ITGAL: variants seen among roughly 807,000 people sequenced by gnomAD.
ITGAL encodes the protein integrin subunit alpha L.
A neutral mutation model predicts 138.4 loss-of-function variants in ITGAL; 68 were observed. The observed-to-expected ratio is 0.49, with a 90% CI of 0.40 to 0.60. The LOEUF (loss-of-function observed/expected upper bound fraction) is 0.60, where lower values mean the gene tolerates loss of function less well. Among genes scored for constraint, ITGAL ranks in the 20% least tolerant of loss-of-function variants. The pLI is 0.00. For synonymous variants in ITGAL, 561 were observed against 584.3 expected (o/e 0.96, Z 0.57); for missense variants, 1,256 against 1,478.6 (o/e 0.85, Z 2.47).
At chr16:30,499,518 A>G (rs1343185347) in intron 17 of ITGAL, 29 bp downstream of exon 17, 3 of 1,608,554 alleles carry the variant, frequency 1.9e-6, no homozygotes, top group East Asian at 2.2e-5. Context: ...ATGCTCTGGG[A>G]TGAGCTACCT....
At chr16:30,502,867 G>A (rs554311087) in intron 17 of ITGAL, among the ~76,000 whole-genome samples, 369 of 150,090 alleles carry the variant, frequency 2.5e-3, no homozygotes, top group Non-Finnish European at 4.8e-3. Context: ...AGGCTAGAAT[G>A]CATTGTTATG....
intron 17 of ITGAL, 45 bp downstream of exon 17, chr16:30,499,534 G>A (rs1487778937): frequency 6.3e-7 from 1 of 1,596,492 alleles, no homozygotes; most frequent in Non-Finnish European, 8.6e-7. Context: ...TACCTGCAGG[G>A]GCAGGCTCAG....
chr16:30,520,067 A>G, intron 30 of ITGAL, 100 bp downstream of exon 30: 5 of 866,970 alleles, frequency 5.8e-6, no homozygotes, highest in Non-Finnish European at 9.3e-6. Flanking sequence ...AGAGGGCATA[A>G]GAGCCAGGGG....
intron 7 of ITGAL, 61 bp from the exon 8 acceptor site, chr16:30,483,766 G>A: frequency 1.3e-6 from 2 of 1,539,018 alleles, no homozygotes; most frequent in Non-Finnish European, 1.8e-6. Flanking sequence ...GAGCAGGTGG[G>A]GAAAGAGACC....
chr16:30,504,830 A>G (rs981888291), intron 18 of ITGAL: 1 of 155,352 alleles, frequency 6.4e-6, no homozygotes, highest in African/African-American at 2.4e-5. Flanking sequence ...CAGTGTGCCA[A>G]CATGGCGAAA....
chr16:30,506,513 C>T (rs568832647), intron 20 of ITGAL, among the ~76,000 whole-genome samples: 36 of 124,128 alleles, frequency 2.9e-4, no homozygotes, highest in African/African-American at 1.1e-3. Context: ...GAGCCAAGAT[C>T]GCGCCACTGC....
chr16:30,485,228 C>T (rs778303150), intron 9 of ITGAL, among the ~76,000 whole-genome samples: 7 of 77,594 alleles, frequency 9.0e-5, no homozygotes, highest in Non-Finnish European at 1.5e-4. Flanking sequence ...TCTCTTCTCT[C>T]TTTTCTTTTT....
At position 30,519,953 on chromosome 16, in the gene ITGAL, A is replaced by G. The variant is rs913510126; in HGVS notation, c.3325A>G (p.Ile1109Val). ...GCTGCTGCTGCTGCTGCTCATTTTC[A>G]TAGTGCTGTACAAGGTGGGTGCCTC... ...GGLLLLLLIF[I>V]VLYKVGFFKR... is the part of the protein sequence containing the mutation. The change falls in exon 30 of 31, where the codon ATA becomes GTA. Residue 1109 changes from isoleucine to valine, a missense_variant. Coordinates refer to ENST00000356798, the MANE Select transcript of ITGAL (RefSeq NM_002209.3). 11 of 1,611,924 alleles carry G rather than the reference A, an allele frequency of 6.8e-6. No homozygotes were observed. Among genetic ancestry groups the G allele is most frequent in the Non-Finnish European group, 8.5e-6 (10 of 1,179,738 alleles).
chr16:30,494,915 A>G lies in ITGAL; in HGVS notation c.1503+65A>G. Reference sequence around the variant, plus strand: ...CAGCAGAGATTCGCAGCTCCCAGTTATTCTGAAGGCTTTCTCTGTCTGGTC... The same window carrying G: ...CAGCAGAGATTCGCAGCTCCCAGTTGTTCTGAAGGCTTTCTCTGTCTGGTC... On this transcript the variant is annotated intron_variant, in intron 13 of 30. Coordinates refer to ENST00000356798, the MANE Select transcript of ITGAL (RefSeq NM_002209.3). This position sits in a 1 kb window ranked among gnomAD's most constrained non-coding sequence, Gnocchi z 4.2. 4 of 1,503,152 alleles carry G rather than the reference A, an allele frequency of 2.7e-6. No individual in the cohort carries two copies. In the South Asian group the frequency reaches 5.2e-5, roughly 20 times the overall value. The allele number at this position is 1,503,152 out of a possible 1,614,324, so 93.1% of individuals were successfully genotyped here. A position where few individuals can be genotyped will look rare whatever the true frequency, so the allele number is the denominator to read the frequency against.
chr16:30,490,612 C>T (rs183992989), intron 11 of ITGAL, among the ~76,000 whole-genome samples: 124 of 152,250 alleles, frequency 8.1e-4, no homozygotes, highest in South Asian at 5.4e-3. Context: ...AAACTTCTTT[C>T]AATGACAGTG....
intron 22 of ITGAL, 115 bp from the exon 23 acceptor site, chr16:30,510,766 G>A: frequency 1.2e-6 from 1 of 838,152 alleles, no homozygotes; most frequent in Non-Finnish European, 2.0e-6. Context: ...CTCAGTGCTT[G>A]GGGTGCAGTG....
intron 25 of ITGAL, among the ~76,000 whole-genome samples, chr16:30,515,700 G>C (rs954412729): frequency 2.0e-5 from 3 of 151,986 alleles, no homozygotes; most frequent in Non-Finnish European, 2.9e-5. Flanking sequence ...GGTCAGGCGC[G>C]GTGGCTCACA....
At chr16:30,497,996 C>T (rs1240211679) in intron 15 of ITGAL, among the ~76,000 whole-genome samples, 1 of 151,492 alleles carries the variant, frequency 6.6e-6, no homozygotes, top group African/African-American at 2.4e-5. Context: ...TGTAATCCAG[C>T]ACTTTGGGAG....
At chr16:30,506,896 G>T (rs1214556318) in intron 21 of ITGAL, 40 bp downstream of exon 21, 2 of 1,608,854 alleles carry the variant, frequency 1.2e-6, no homozygotes, top group Admixed American at 1.7e-5. Flanking sequence ...GCATCTGTTC[G>T]GCAGACACTG....
intron 21 of ITGAL, 34 bp from the exon 22 acceptor site, chr16:30,510,327 C>T: frequency 1.5e-6 from 2 of 1,320,886 alleles, no homozygotes; most frequent in Admixed American, 1.7e-5. Context: ...TGGCCTTGCT[C>T]ATTAACAAAC....
intron 6 of ITGAL, among the ~76,000 whole-genome samples, 187 bp downstream of exon 6, chr16:30,479,648 C>CGTT (rs2050524971): frequency 4.1e-5 from 3 of 72,830 alleles, no homozygotes; most frequent in Non-Finnish European, 7.5e-5. Flanking sequence ...TTCTCATTTC[C>CGTT]TTTTTTTTTT....
intron 26 of ITGAL, 137 bp downstream of exon 26, chr16:30,517,223 G>T: frequency 1.6e-6 from 1 of 641,340 alleles, no homozygotes; most frequent in Non-Finnish European, 2.8e-6. Flanking sequence ...AGGCTGAAGT[G>T]GGAGAATCCA....
At chr16:30,493,421 C>T (rs1194400667) in intron 11 of ITGAL, among the ~76,000 whole-genome samples, 5 of 151,864 alleles carry the variant, frequency 3.3e-5, no homozygotes, top group Non-Finnish European at 4.4e-5. Context: ...GGACTACAGG[C>T]GCCTACCACC....
In ITGAL at chr16:30,494,268, G is replaced by A; in HGVS notation, c.1270G>A (p.Ala424Thr). 6.2e-7 allele frequency: 1 copy of A among 1,613,180 alleles called. No individual in the cohort carries two copies. The highest frequency in any genetic ancestry group is 8.5e-7 in the Non-Finnish European group (1 of 1,179,342). ...RQKTSLLASG[A>T]PRYQHMGRVL... ...AAAGACTTCGTTGCTGGCCTCGGGA[G>A]CCCCTCGATACCAGCACATGGGCCG... Residue 424 changes from alanine (A) to threonine (T), a missense_variant, in exon 12 of 31, where the codon GCC (alanine) becomes ACC (threonine). Ala to Thr is a moderately conservative substitution (Grantham distance 58). Coordinates refer to ENST00000356798, the MANE Select transcript of ITGAL (RefSeq NM_002209.3). The surrounding 1 kb of genome is among the most constrained non-coding windows in gnomAD (Gnocchi z 4.2).
Sources: allele counts gnomAD v4.1 joint callset (sites outside exome capture counted in the v4.1 genomes callset), GRCh38; gene constraint gnomAD v4.1.1; non-coding constraint Gnocchi (gnomAD v3.1); transcripts MANE v1.5; gene names NCBI Gene and HGNC (gene_info 2026-07-23, HGNC 2026-07-21).